RTTN: variants seen among roughly 807,000 people sequenced by gnomAD.
RTTN encodes rotatin.
Under a neutral mutation model 269.2 loss-of-function variants are expected in RTTN, and 182 were observed. The observed-to-expected ratio is 0.68, with a 90% CI of 0.60 to 0.76. The LOEUF is 0.76. Ranked by LOEUF, RTTN falls within the 30% of genes least tolerant of loss-of-function variation. The pLI is 0.00. For synonymous variants in RTTN, 1,006 were observed against 963.5 expected, an observed-to-expected ratio of 1.04 and a Z score of -0.82; for missense variants, 2,545 against 2,608.6, an observed-to-expected ratio of 0.98 and a Z score of 0.53.
At chr18:70,175,045 CAAAAAA>C (rs5825998) in intron 11 of RTTN, among the ~76,000 whole-genome samples, 22 of 86,858 alleles carry the variant, frequency 2.5e-4, no homozygotes, top group Admixed American at 6.0e-4. Context: ...AAACCAAAAC[CAAAAAA>C]AAAAAAAAAA....
chr18:70,072,838 T>C (rs1417905437), intron 34 of RTTN, among the ~76,000 whole-genome samples: 1 of 152,112 alleles, frequency 6.6e-6, no homozygotes, highest in African/African-American at 2.4e-5. Context: ...CTGCTCTTGT[T>C]GAGACAAAGG....
chr18:70,020,802 C>T lies in RTTN; in HGVS notation c.5966G>A (p.Cys1989Tyr). The T allele has an allele frequency of 6.2e-7, 1 of 1,611,798 alleles. No individual in the cohort carries two copies. Among genetic ancestry groups the T allele is most frequent in the Non-Finnish European group, 8.5e-7 (1 of 1,178,720 alleles). Reference protein sequence around the residue: ...ANFPNGCSSLCWSSCGQHPVQ... With the variant: ...ANFPNGCSSLYWSSCGQHPVQ... ...AGGGTGTTGTCCACAACTTGACCAA[C>T]AAAGAGAACTGCAACCTTCAAAAAT... The change falls in exon 45 of 49, where the codon TGT becomes TAT. Residue 1989 changes from cysteine to tyrosine, a missense_variant. Physicochemically the swap from Cys to Tyr is radical, Grantham distance 194. Coordinates refer to ENST00000640769, the MANE Select transcript of RTTN (RefSeq NM_173630.4).
At chr18:70,156,116 T>A (rs1053624771) in intron 14 of RTTN, among the ~76,000 whole-genome samples, 6 of 152,198 alleles carry the variant, frequency 3.9e-5, no homozygotes, top group Admixed American at 2.6e-4. Flanking sequence ...ACAAGAGAGA[T>A]CACCTTAAAC....
intron 40 of RTTN, among the ~76,000 whole-genome samples, chr18:70,047,328 T>C (rs2057518927): frequency 6.6e-6 from 1 of 152,178 alleles, no homozygotes; most frequent in East Asian, 1.9e-4. Context: ...TAAAAAACAA[T>C]GTACAACTTT....
At chr18:70,070,148 C>T (rs113627580) in intron 34 of RTTN, among the ~76,000 whole-genome samples, 1,889 of 152,326 alleles carry the variant, frequency 0.012, 23 homozygotes, top group South Asian at 0.038. Context: ...CATGTCTAAC[C>T]AAAGGACCAC....
chr18:70,204,934 A>C (rs1273818208), intron 2 of RTTN, among the ~76,000 whole-genome samples, 194 bp downstream of exon 2: 1 of 152,260 alleles, frequency 6.6e-6, no homozygotes, highest in Non-Finnish European at 1.5e-5. Context: ...TTCTGAGCAC[A>C]GCAGAGACCA....
intron 19 of RTTN, 124 bp downstream of exon 19, chr18:70,142,163 CA>C (rs1459498907): frequency 4.0e-4 from 244 of 614,242 alleles, no homozygotes; most frequent in South Asian, 6.7e-4. Context: ...TGAGGGCTGT[CA>C]AAAAAAAGGC....
chr18:70,201,830 G>T, intron 4 of RTTN, 64 bp downstream of exon 4: 2 of 992,558 alleles, frequency 2.0e-6, no homozygotes, highest in Non-Finnish European at 3.1e-6. Context: ...TCACAATAAC[G>T]AAAAAAGTAC....
chr18:70,028,026 A>T (rs1267121090), intron 43 of RTTN, among the ~76,000 whole-genome samples: 1 of 152,172 alleles, frequency 6.6e-6, no homozygotes. Flanking sequence ...TATTTTTTAA[A>T]ATTTTTATTT....
rs555143011 is a variant in RTTN at position 70,035,251 on chromosome 18, C to T, written c.5542-4270G>A. The stretch of plus-strand genomic sequence containing the variant: ...TGGAACCAAAAAAGAGCCCAAATCG[C>T]CAAGGCAATTCTAAGCAAAAAGAAA... On this transcript the variant is annotated intron_variant, in intron 40 of 48. Coordinates refer to ENST00000640769, the MANE Select transcript of RTTN (RefSeq NM_173630.4). Among the ~76,000 whole-genome samples, 129 of 152,226 alleles carry T rather than the reference C, an allele frequency of 8.5e-4. 1 individual carries two copies. Among genetic ancestry groups the T allele is most frequent in the African/African-American group, 3.0e-3 (123 of 41,526 alleles).
intron 46 of RTTN, among the ~76,000 whole-genome samples, chr18:70,012,901 T>A (rs1438317732): frequency 1.3e-5 from 2 of 152,190 alleles, no homozygotes; most frequent in Non-Finnish European, 2.9e-5. Flanking sequence ...TAAACAAAAA[T>A]TTTGTCTACA....
At chr18:70,160,667 A>AG (rs1301083342) in intron 14 of RTTN, among the ~76,000 whole-genome samples, 4 of 151,640 alleles carry the variant, frequency 2.6e-5, no homozygotes, top group African/African-American at 9.7e-5. Flanking sequence ...GAAAAAAAAA[A>AG]AAAAAAAAGA....
At position 70,041,290 on chromosome 18, in the gene RTTN, C is replaced by T. The variant is rs1018566845; in HGVS notation, c.5541+6681G>A. Among the ~76,000 whole-genome samples the T allele has an allele frequency of 9.9e-5, 15 of 151,668 alleles. No individual in the cohort carries two copies. The South Asian group carries it at 1.0e-3, about 11-fold the overall frequency. On this transcript the variant is annotated intron_variant, in intron 40 of 48. Coordinates refer to ENST00000640769, the MANE Select transcript of RTTN (RefSeq NM_173630.4). ...CTAGCAATTGGGAGCAGGGTTGGGT[C>T]GGAGTTAAGACTCCTAAGGAAATAG...
At chr18:70,201,525 G>T (rs1198237374) in intron 4 of RTTN, among the ~76,000 whole-genome samples, 1 of 142,516 alleles carries the variant, frequency 7.0e-6, no homozygotes, top group South Asian at 2.3e-4. Context: ...GGAGAATGGC[G>T]TGAACCCGGG....
intron 39 of RTTN, among the ~76,000 whole-genome samples, chr18:70,050,328 T>C (rs2144797322): frequency 6.6e-6 from 1 of 152,152 alleles, no homozygotes; most frequent in African/African-American, 2.4e-5. Flanking sequence ...AAAAAACCCA[T>C]CATCACTGGT....
intron 38 of RTTN, 40 bp from the exon 39 acceptor site, chr18:70,051,588 A>G (rs765533833): frequency 6.1e-6 from 9 of 1,469,976 alleles, no homozygotes; most frequent in Non-Finnish European, 9.3e-7. Flanking sequence ...ATTAACACAA[A>G]GAAGGAAAAG....
At chr18:70,059,519 G>T (rs1022504244) in intron 36 of RTTN, among the ~76,000 whole-genome samples, 1 of 152,056 alleles carries the variant, frequency 6.6e-6, no homozygotes, top group African/African-American at 2.4e-5. Flanking sequence ...AATTCCCAAA[G>T]TCCCTCACAT....
intron 28 of RTTN, among the ~76,000 whole-genome samples, chr18:70,101,026 T>C (rs2059149246): frequency 1.3e-5 from 2 of 152,294 alleles, no homozygotes; most frequent in South Asian, 4.1e-4. Flanking sequence ...AGGGATATGG[T>C]CTAAAATTCT....
At chr18:70,132,294 G>C (rs1568435399) in intron 23 of RTTN, among the ~76,000 whole-genome samples, 2 of 151,888 alleles carry the variant, frequency 1.3e-5, no homozygotes, top group African/African-American at 4.8e-5. Context: ...CAATAAACCT[G>C]ATATATTTTG....
Sources: allele counts gnomAD v4.1 joint callset (sites outside exome capture counted in the v4.1 genomes callset), GRCh38; gene constraint gnomAD v4.1.1; transcripts MANE v1.5; gene names NCBI Gene and HGNC (gene_info 2026-07-23, HGNC 2026-07-21).